Variants in ANXA8 observed in about 807,000 individuals in gnomAD.
ANXA8 encodes the protein VAC-beta.
ANXA8 carries 9 observed loss-of-function variants against 26.8 expected under a neutral mutation model. The observed-to-expected ratio is 0.34, with a 90% confidence interval of 0.20 to 0.59. The LOEUF (loss-of-function observed/expected upper bound fraction) is 0.59, where lower values mean the gene tolerates loss of function less well. Among genes scored for constraint, ANXA8 ranks in the 20% least tolerant of loss-of-function variants. The pLI is 0.84. For synonymous variants in ANXA8, 39 were observed against 94.8 expected, an observed-to-expected ratio of 0.41 and a Z score of 3.42; for missense variants, 83 against 238.5, an observed-to-expected ratio of 0.35 and a Z score of 4.29.
chr10:47,949,282 C>A, the ANXA8 span, among the ~76,000 whole-genome samples: 1 of 148,108 alleles, frequency 6.8e-6, no homozygotes, highest in Non-Finnish European at 1.5e-5. Flanking sequence ...GTAAAGAGAG[C>A]ACTAATAGTC....
the ANXA8 span, among the ~76,000 whole-genome samples, chr10:47,950,574 T>C: frequency 6.7e-6 from 1 of 150,094 alleles, no homozygotes; most frequent in Non-Finnish European, 1.5e-5. Flanking sequence ...TAATGGACCA[T>C]ATCTGGGGCA....
the ANXA8 span, among the ~76,000 whole-genome samples, chr10:47,691,600 C>T: frequency 0.12 from 16,668 of 144,170 alleles, 61 homozygotes; most frequent in African/African-American, 0.19. Flanking sequence ...ACACAGAACC[C>T]GTCTCTACAA....
the ANXA8 span, among the ~76,000 whole-genome samples, chr10:47,930,122 C>T: frequency 7.2e-5 from 11 of 152,072 alleles, no homozygotes; most frequent in African/African-American, 2.7e-4. Flanking sequence ...CTTTCTACTT[C>T]CTACTCTTGC....
the ANXA8 span, among the ~76,000 whole-genome samples, chr10:47,535,246 T>C: frequency 7.5e-6 from 1 of 132,884 alleles, no homozygotes; most frequent in Non-Finnish European, 1.5e-5. Context: ...AGTGTTGGGA[T>C]TACAGGCGGG....
chr10:47,553,375 C>T, the ANXA8 span: 1 of 153,466 alleles, frequency 6.5e-6, no homozygotes. Context: ...AAAGATGACC[C>T]GGAGGACCGG....
At chr10:47,485,676 TA>T (rs1334643445), upstream of ANXA8, among the ~76,000 whole-genome samples, 1 of 151,878 alleles carries the variant, frequency 6.6e-6, no homozygotes, top group African/African-American at 2.4e-5. Flanking sequence ...TTTTTTTAAT[TA>T]AAAAATGTTA....
At chr10:47,649,575 A>AT in the ANXA8 span, among the ~76,000 whole-genome samples, 4 of 151,258 alleles carry the variant, frequency 2.6e-5, no homozygotes, top group Non-Finnish European at 5.9e-5. Context: ...CGCCCGGCTA[A>AT]TTTTTGTATT....
chr10:47,576,301 AT>A, the ANXA8 span, among the ~76,000 whole-genome samples: 4 of 129,662 alleles, frequency 3.1e-5, no homozygotes, highest in African/African-American at 1.0e-4. Flanking sequence ...ATTTGTAAAT[AT>A]TTCCTCTCAA....
chr10:47,777,221 G>A, the ANXA8 span, among the ~76,000 whole-genome samples: 1 of 151,350 alleles, frequency 6.6e-6, no homozygotes, highest in Non-Finnish European at 1.5e-5. Flanking sequence ...CCCTCCCCAG[G>A]GGAGACAACC....
At chr10:47,682,786 G>T in the ANXA8 span, among the ~76,000 whole-genome samples, 6 of 151,954 alleles carry the variant, frequency 3.9e-5, no homozygotes, top group Admixed American at 3.9e-4. Context: ...TATTCCTAAG[G>T]CCAGAAAACC....
the ANXA8 span, among the ~76,000 whole-genome samples, chr10:47,595,102 A>G: frequency 6.7e-6 from 1 of 148,482 alleles, no homozygotes; most frequent in African/African-American, 2.6e-5. Flanking sequence ...CAGAGATTAG[A>G]GGTCTATTTT....
At chr10:47,953,841 G>A in the ANXA8 span, among the ~76,000 whole-genome samples, 1 of 150,728 alleles carries the variant, frequency 6.6e-6, no homozygotes, top group Admixed American at 6.6e-5. Context: ...ACTACAATGG[G>A]ATCTCATGTC....
chr10:47,980,870 C>T, the ANXA8 span, among the ~76,000 whole-genome samples: 110 of 151,210 alleles, frequency 7.3e-4, no homozygotes, highest in African/African-American at 2.3e-3. Context: ...CAAATGGTTT[C>T]GCTGATTAGT....
chr10:47,651,660 C>T, the ANXA8 span, among the ~76,000 whole-genome samples: 3 of 149,946 alleles, frequency 2.0e-5, no homozygotes, highest in African/African-American at 5.0e-5. Flanking sequence ...TTTGGAAGGC[C>T]GAGGCAGGTG....
chr10:47,769,059 C>T, the ANXA8 span, among the ~76,000 whole-genome samples: 8 of 145,630 alleles, frequency 5.5e-5, no homozygotes, highest in Non-Finnish European at 9.0e-5. Context: ...ACAGGCCCTA[C>T]CCAGAGGGCA....
the ANXA8 span, among the ~76,000 whole-genome samples, chr10:47,937,640 C>T: frequency 2.1e-5 from 3 of 141,030 alleles, no homozygotes; most frequent in Non-Finnish European, 4.7e-5. Flanking sequence ...CAAGTAGGCC[C>T]CAGTGTCTGT....
the ANXA8 span, among the ~76,000 whole-genome samples, chr10:47,659,601 G>A: frequency 8.6e-5 from 13 of 151,180 alleles, no homozygotes; most frequent in South Asian, 2.1e-4. Context: ...GCTTGAACCC[G>A]GGAGGCAGAG....
upstream of ANXA8, among the ~76,000 whole-genome samples, chr10:47,485,003 G>A (rs1319364646): frequency 8.8e-5 from 13 of 147,150 alleles, no homozygotes; most frequent in East Asian, 4.6e-4. Flanking sequence ...CCTGGCCGCC[G>A]CCATCCCCAG....
the ANXA8 span, among the ~76,000 whole-genome samples, chr10:47,658,884 T>A: frequency 2.0e-5 from 3 of 146,618 alleles, no homozygotes; most frequent in South Asian, 6.2e-4. Flanking sequence ...ATTTATTTAT[T>A]TATTTGAGAC....
Sources: gnomAD v4.1 joint callset for allele counts (sites outside exome capture counted in the v4.1 genomes callset) on GRCh38, gnomAD v4.1.1 for gene constraint, MANE v1.5 for transcripts, NCBI Gene and HGNC (gene_info 2026-07-23, HGNC 2026-07-21) for gene names.